The following TAFA2 variants were observed in gnomAD, a reference collection of about 807,000 sequenced individuals.
TAFA2 encodes chemokine-like protein TAFA-2.
A neutral mutation model predicts 18.8 loss-of-function variants in TAFA2; 7 were observed. That is an observed-to-expected ratio of 0.37 (90% CI 0.21 to 0.70). The LOEUF is 0.70. TAFA2 is among the 30% of genes least tolerant of loss of function. TAFA2 has a pLI of 0.53. For synonymous variants in TAFA2, 60 were observed against 54.2 expected (o/e 1.11, Z -0.47); for missense variants, 122 against 158.1 (o/e 0.77, Z 1.23).
intron 2 of TAFA2, among the ~76,000 whole-genome samples, chr12:61,854,754 A>G (rs1873816405): frequency 1.3e-5 from 2 of 152,198 alleles, no homozygotes; most frequent in African/African-American, 4.8e-5. Context: ...TCATTTAAAT[A>G]TGAGGGTATA....
chr12:62,181,086 T>G (rs2062548530), intron 1 of TAFA2, among the ~76,000 whole-genome samples: 1 of 152,228 alleles, frequency 6.6e-6, no homozygotes, highest in South Asian at 2.1e-4. Context: ...TTTTTGTCCT[T>G]GACCTTTTGC....
At chr12:62,184,789 C>G (rs774168914) in intron 1 of TAFA2, among the ~76,000 whole-genome samples, 1 of 151,890 alleles carries the variant, frequency 6.6e-6, no homozygotes, top group Non-Finnish European at 1.5e-5. Flanking sequence ...CATGAGCCAC[C>G]GTGCCTGGCT....
chr12:61,881,496 T>C (rs752432556), intron 1 of TAFA2, among the ~76,000 whole-genome samples: 13 of 152,206 alleles, frequency 8.5e-5, no homozygotes, highest in Non-Finnish European at 1.6e-4. Flanking sequence ...ACCACTATTG[T>C]ACGGACAGTT....
intron 1 of TAFA2, among the ~76,000 whole-genome samples, chr12:62,248,865 C>A (rs904626468): frequency 3.5e-4 from 54 of 152,234 alleles, no homozygotes; most frequent in Middle Eastern, 3.4e-3. Flanking sequence ...ACTCATCTTG[C>A]AAAACTGACA....
chr12:61,763,042 C>T (rs962676297), intron 2 of TAFA2, among the ~76,000 whole-genome samples: 2 of 152,012 alleles, frequency 1.3e-5, no homozygotes, highest in Non-Finnish European at 2.9e-5. Flanking sequence ...CAGCTAATTT[C>T]TCACTTTAAT....
chr12:61,992,823 C>A (rs1488417195), intron 1 of TAFA2, among the ~76,000 whole-genome samples: 1 of 152,132 alleles, frequency 6.6e-6, no homozygotes, highest in Non-Finnish European at 1.5e-5. Context: ...ACTGCTATAT[C>A]CCCTAAATCA....
chr12:61,738,434 A>G (rs10784258), intron 4 of TAFA2, among the ~76,000 whole-genome samples: 51,285 of 151,744 alleles, frequency 0.34, 8,698 homozygotes, highest in South Asian at 0.38. Flanking sequence ...TTTGAATTAT[A>G]CCACTGGACA....
chr12:62,086,651 GA>G (rs1177987328), intron 1 of TAFA2, among the ~76,000 whole-genome samples: 1 of 152,058 alleles, frequency 6.6e-6, no homozygotes, highest in Non-Finnish European at 1.5e-5. Flanking sequence ...AGGGGGTGGG[GA>G]ATGAATGTTA....
chr12:62,121,087 C>A (rs1870176227), intron 1 of TAFA2, among the ~76,000 whole-genome samples: 1 of 152,004 alleles, frequency 6.6e-6, no homozygotes, highest in Non-Finnish European at 1.5e-5. Context: ...CTCCTGACCT[C>A]CGGTGATCTG....
intron 4 of TAFA2, among the ~76,000 whole-genome samples, chr12:61,727,757 G>A (rs918309879): frequency 1.3e-5 from 2 of 151,296 alleles, no homozygotes; most frequent in Non-Finnish European, 1.5e-5. Flanking sequence ...GCTGGGTATG[G>A]GTTTGGTTTG....
In TAFA2 at chr12:61,818,995, T is replaced by C. The variant is rs2121039888; in HGVS notation, c.106+48325A>G. Among the ~76,000 whole-genome samples the C allele has an allele frequency of 1.3e-5, 2 of 152,306 alleles. 1 individual carries two copies. The highest frequency in any genetic ancestry group is 6.8e-3 in the Middle Eastern group (2 of 294). ...TTCTTCCATTGTTGCACATTACCTC[T>C]AGACCCGATCATGACTTCCTAACCT... On this transcript the variant is annotated intron_variant, in intron 2 of 4. Coordinates refer to ENST00000416284, the MANE Select transcript of TAFA2 (RefSeq NM_178539.5).
chr12:62,049,324 G>A (rs1881990648), intron 1 of TAFA2, among the ~76,000 whole-genome samples: 1 of 152,188 alleles, frequency 6.6e-6, no homozygotes. Context: ...ATTTTCATGT[G>A]AGATGATGCA....
intron 2 of TAFA2, among the ~76,000 whole-genome samples, chr12:61,808,768 T>C (rs1871735669): frequency 6.6e-6 from 1 of 151,496 alleles, no homozygotes; most frequent in Non-Finnish European, 1.5e-5. Flanking sequence ...ACGAGATCAA[T>C]GTTGTCACAG....
In TAFA2 at chr12:61,921,864, G is replaced by A. The variant is rs556189211; in HGVS notation, c.-1-54438C>T. ...ATGTGAGGGAAAAGAGGAGGAACCAGTAAATGACAATGAGACAAAAACGAG... is the reference window on the plus strand; with the variant it reads ...ATGTGAGGGAAAAGAGGAGGAACCAATAAATGACAATGAGACAAAAACGAG... On this transcript the variant is annotated intron_variant, in intron 1 of 4. Transcript: ENST00000416284. Among the ~76,000 whole-genome samples the A allele has an allele frequency of 7.2e-5, 11 of 152,284 alleles. No homozygotes were observed. In the East Asian group the frequency reaches 1.7e-3, roughly 24 times the overall value.
At chr12:62,232,260 C>T (rs2062814801) in intron 1 of TAFA2, among the ~76,000 whole-genome samples, 1 of 152,178 alleles carries the variant, frequency 6.6e-6, no homozygotes, top group Admixed American at 6.5e-5. Context: ...TACCTCCACT[C>T]TCACACCCTG....
At chr12:61,842,877 A>G (rs1414788473) in intron 2 of TAFA2, among the ~76,000 whole-genome samples, 1 of 152,096 alleles carries the variant, frequency 6.6e-6, no homozygotes, top group Non-Finnish European at 1.5e-5. Flanking sequence ...CTCTCTGAGA[A>G]ATCTTTACTT....
intron 1 of TAFA2, chr12:62,021,539 C>G: frequency 1.5e-6 from 1 of 686,266 alleles, no homozygotes; most frequent in Admixed American, 2.0e-5. Flanking sequence ...CATCCAGACT[C>G]CAGAATACAG....
chr12:61,725,834 C>T (rs770849571), intron 4 of TAFA2, among the ~76,000 whole-genome samples: 5 of 151,826 alleles, frequency 3.3e-5, no homozygotes, highest in East Asian at 1.9e-4. Flanking sequence ...AACCACACAT[C>T]GTATGTTCTC....
At chr12:62,211,447 G>A (rs1437677319) in intron 1 of TAFA2, among the ~76,000 whole-genome samples, 2 of 152,002 alleles carry the variant, frequency 1.3e-5, no homozygotes, top group East Asian at 3.9e-4. Flanking sequence ...GGGCGTGGTG[G>A]TGCCCGCCTT....
Sources: gnomAD v4.1 joint callset for allele counts (sites outside exome capture counted in the v4.1 genomes callset) on GRCh38, gnomAD v4.1.1 for gene constraint, MANE v1.5 for transcripts, NCBI Gene and HGNC (gene_info 2026-07-23, HGNC 2026-07-21) for gene names.